CCDC85C: variants seen among roughly 807,000 people sequenced by gnomAD.
CCDC85C encodes coiled-coil domain containing 85C, also known as coiled-coil domain-containing protein 85C.
A neutral mutation model predicts 38.3 loss-of-function variants in CCDC85C; 18 were observed. The observed-to-expected ratio is 0.47, with a 90% CI of 0.33 to 0.70. The LOEUF is 0.70. CCDC85C is among the 30% of genes least tolerant of loss of function. The pLI is 0.03. For missense variants in CCDC85C, 566 were observed against 621.2 expected (o/e 0.91, Z 0.94); for synonymous variants, 264 against 293.8 (o/e 0.90, Z 1.04).
chr14:99,603,456 G>GCCGCCA lies in CCDC85C; in HGVS notation c.498_503dup (p.Gly172_Gly173dup). 3 of 1,278,054 alleles carry GCCGCCA rather than the reference G, an allele frequency of 2.3e-6. No homozygotes were observed. Among genetic ancestry groups the GCCGCCA allele is most frequent in the East Asian group, 3.3e-5 (1 of 30,432 alleles). 79.2% of individuals were successfully genotyped at this position (1,278,054 alleles called of 1,614,324 possible). ...GGGAGCCGGCGCCGCCCCCGCCGCC[G>GCCGCCA]CCGCCACCGCTTGCGGCCCCCGTCG... On this transcript the variant is annotated inframe_insertion, in exon 1 of 6. Coordinates refer to ENST00000380243, the MANE Select transcript of CCDC85C (RefSeq NM_001144995.2). This position sits in a 1 kb window ranked among gnomAD's most constrained non-coding sequence, Gnocchi z 7.5.
intron 2 of CCDC85C, among the ~76,000 whole-genome samples, chr14:99,528,549 TG>T: frequency 6.6e-6 from 1 of 151,828 alleles, no homozygotes; most frequent in South Asian, 2.1e-4. Flanking sequence ...CACACCAGGG[TG>T]GAGCCACCCC....
rs1897073301 is a variant in CCDC85C at position 99,509,780 on chromosome 14, G to C, written c.*5466C>G. On this transcript the variant is annotated 3_prime_UTR_variant, in exon 6 of 6. Transcript: ENST00000380243. ...CTGCTGCAGACAGGAGTTCAGTGTG[G>C]CCCTGACCCCTGGGGTCAGTTTCTG... 3.5e-6 allele frequency: 1 copy of C among 289,602 alleles called. No homozygotes were observed. Among genetic ancestry groups the C allele is most frequent in the African/African-American group, 2.2e-5 (1 of 45,270 alleles). 17.9% of individuals were successfully genotyped at this position (289,602 alleles called of 1,614,324 possible).
At chr14:99,586,971 G>T (rs1416505875) in intron 1 of CCDC85C, among the ~76,000 whole-genome samples, 1 of 152,196 alleles carries the variant, frequency 6.6e-6, no homozygotes, top group East Asian at 1.9e-4. Context: ...TCCTACCGGG[G>T]ACCTGCTTGC....
At chr14:99,553,034 G>A (rs7151558) in intron 1 of CCDC85C, among the ~76,000 whole-genome samples, 80,825 of 152,098 alleles carry the variant, frequency 0.53, 21,677 homozygotes, top group African/African-American at 0.58. Context: ...TAGCAGTGCC[G>A]GATAGAAGGG....
At chr14:99,601,798 C>T (rs2055201515) in intron 1 of CCDC85C, among the ~76,000 whole-genome samples, 2 of 152,056 alleles carry the variant, frequency 1.3e-5, no homozygotes. Context: ...GATTGCTAAT[C>T]AGTAACAAAA....
intron 1 of CCDC85C, among the ~76,000 whole-genome samples, chr14:99,546,166 C>G (rs1302199892): frequency 6.6e-6 from 1 of 151,964 alleles, no homozygotes; most frequent in Non-Finnish European, 1.5e-5. Context: ...TGTGTGGGGG[C>G]TGCTTTCATC....
At chr14:99,601,080 C>T (rs1271757342) in intron 1 of CCDC85C, among the ~76,000 whole-genome samples, 2 of 152,220 alleles carry the variant, frequency 1.3e-5, no homozygotes, top group Admixed American at 6.5e-5. Context: ...AAGGGCCTTT[C>T]CTGGTTTCCA....
At chr14:99,574,321 T>A (rs551789637) in intron 1 of CCDC85C, among the ~76,000 whole-genome samples, 1 of 152,036 alleles carries the variant, frequency 6.6e-6, no homozygotes, top group Non-Finnish European at 1.5e-5. Context: ...AGCAGTTAGA[T>A]CTGATCTCAG....
In CCDC85C at chr14:99,517,201, A is replaced by T. The variant is rs1897240976; in HGVS notation, c.976-18T>A. The T allele has an allele frequency of 1.3e-6, 2 of 1,521,068 alleles. No individual in the cohort carries two copies. Among genetic ancestry groups the T allele is most frequent in the Non-Finnish European group, 1.8e-6 (2 of 1,128,522 alleles). The allele number at this position is 1,521,068 out of a possible 1,614,324, so 94.2% of individuals were successfully genotyped here. On this transcript the variant is annotated intron_variant, in intron 3 of 5. Coordinates refer to ENST00000380243, the MANE Select transcript of CCDC85C (RefSeq NM_001144995.2). ...GCCGGGCCCTGGGGAAGGCAATCAC[A>T]CATCTCAGCTCACCCTGGCTGGCTC...
At chr14:99,581,522 C>G (rs1029206812) in intron 1 of CCDC85C, among the ~76,000 whole-genome samples, 4 of 152,244 alleles carry the variant, frequency 2.6e-5, no homozygotes, top group African/African-American at 9.6e-5. Flanking sequence ...ACCCAGTGAC[C>G]GGTGCAGGCC....
At chr14:99,577,306 C>T (rs988083601) in intron 1 of CCDC85C, among the ~76,000 whole-genome samples, 3 of 151,492 alleles carry the variant, frequency 2.0e-5, no homozygotes, top group African/African-American at 7.3e-5. Flanking sequence ...TCCTAGAGCC[C>T]ACTTAGCAGC....
chr14:99,518,345 G>A (rs1250402896), intron 3 of CCDC85C, among the ~76,000 whole-genome samples: 1 of 152,086 alleles, frequency 6.6e-6, no homozygotes, highest in Non-Finnish European at 1.5e-5. Context: ...AGGCTAGGGG[G>A]CCTGGGAGCT....
chr14:99,547,462 C>T (rs528144630), intron 1 of CCDC85C, among the ~76,000 whole-genome samples: 3 of 151,890 alleles, frequency 2.0e-5, no homozygotes, highest in Non-Finnish European at 4.4e-5. Context: ...AAGTGTGCAA[C>T]TCTGCGACTA....
chr14:99,599,075 G>C (rs2055173282), intron 1 of CCDC85C, among the ~76,000 whole-genome samples: 1 of 152,136 alleles, frequency 6.6e-6, no homozygotes, highest in African/African-American at 2.4e-5. Flanking sequence ...GCTGGGTTTA[G>C]GAAAAGCAGC....
chr14:99,518,537 A>G (rs1471057520), intron 3 of CCDC85C, among the ~76,000 whole-genome samples: 1 of 151,124 alleles, frequency 6.6e-6, no homozygotes, highest in African/African-American at 2.4e-5. Flanking sequence ...GGAACCCAAC[A>G]GGGACGCTGG....
rs563863527 is a variant in CCDC85C at position 99,554,315 on chromosome 14, G to A, written c.794-18227C>T. Among the ~76,000 whole-genome samples the A allele has an allele frequency of 2.4e-3, 268 of 110,224 alleles. 2 individuals carry two copies. Among genetic ancestry groups the A allele is most frequent in the Non-Finnish European group, 4.0e-3 (208 of 51,584 alleles). The allele number at this position is 110,224 out of a possible 152,430, so 72.3% of individuals were successfully genotyped here. On this transcript the variant is annotated intron_variant, in intron 1 of 5. Transcript: ENST00000380243. ...CACTGCACTTCTAACCAGATCCTTCGTTTCTAGGGAGATACACCCCCACCC... is the reference window on the plus strand; with the variant it reads ...CACTGCACTTCTAACCAGATCCTTCATTTCTAGGGAGATACACCCCCACCC...
chr14:99,500,493 A>G lies in CCDC85C; in HGVS notation c.*14753T>C. On this transcript the variant is annotated 3_prime_UTR_variant, in exon 6 of 6. Coordinates refer to ENST00000380243, the MANE Select transcript of CCDC85C (RefSeq NM_001144995.2). ...CTGTTTTGTAAAGGGAGACTCATGT[A>G]TGTATTGAAAATAATAATATTTTTA... is the stretch of plus-strand genomic sequence containing the variant. The G allele has an allele frequency of 2.9e-6, 1 of 340,084 alleles. No homozygotes were observed. Among genetic ancestry groups the G allele is most frequent in the Non-Finnish European group, 5.3e-6 (1 of 187,534 alleles). 21.1% of individuals were successfully genotyped at this position (340,084 alleles called of 1,614,324 possible).
chr14:99,569,747 T>C lies in CCDC85C; in HGVS notation c.793+33420A>G, dbSNP rs991563046. Among the ~76,000 whole-genome samples the C allele has an allele frequency of 5.3e-5, 8 of 152,140 alleles. No individual in the cohort carries two copies. Among genetic ancestry groups the C allele is most frequent in the African/African-American group, 1.9e-4 (8 of 41,434 alleles). On this transcript the variant is annotated intron_variant, in intron 1 of 5. Transcript: ENST00000380243. This position sits in a 1 kb window ranked among gnomAD's most constrained non-coding sequence, Gnocchi z 4.3. Reference sequence around the variant, plus strand: ...CATGTCACACACCCCACATTTCAGGTGCAATGCTCCAAGGCGACGCAGGGA... The same window carrying C: ...CATGTCACACACCCCACATTTCAGGCGCAATGCTCCAAGGCGACGCAGGGA...
chr14:99,589,041 A>G (rs954033330), intron 1 of CCDC85C, among the ~76,000 whole-genome samples: 2 of 141,726 alleles, frequency 1.4e-5, no homozygotes, highest in African/African-American at 5.5e-5. Context: ...CATCGACCCA[A>G]CCCTAAAGCC....
Sources: allele counts gnomAD v4.1 joint callset (sites outside exome capture counted in the v4.1 genomes callset), GRCh38; gene constraint gnomAD v4.1.1; non-coding constraint Gnocchi (gnomAD v3.1); transcripts MANE v1.5; gene names NCBI Gene and HGNC (gene_info 2026-07-23, HGNC 2026-07-21).